The following SLC7A7 variants were observed in gnomAD, a reference collection of about 807,000 sequenced individuals.
SLC7A7 encodes solute carrier family 7 member 7.
Under a neutral mutation model 47.9 loss-of-function variants are expected in SLC7A7, and 39 were observed. The ratio of observed to expected loss-of-function variants is 0.81; its 90% confidence interval spans 0.63 to 1.06. The LOEUF (loss-of-function observed/expected upper bound fraction) is 1.06, where lower values mean the gene tolerates loss of function less well. SLC7A7 is among the 50% of genes least tolerant of loss of function. The pLI is 0.00. For synonymous variants in SLC7A7, 234 were observed against 242.8 expected (o/e 0.96, Z 0.34); for missense variants, 588 against 632.0 (o/e 0.93, Z 0.75).
intron 2 of SLC7A7, among the ~76,000 whole-genome samples, chr14:22,790,327 CAAAAAAAAAAA>C (rs538548693): frequency 1.2e-5 from 1 of 83,192 alleles, no homozygotes; most frequent in East Asian, 3.2e-4. Context: ...AAGACTGTCT[CAAAAAAAAAAA>C]AAAAAAAAAA....
chr14:22,779,075 C>T, intron 3 of SLC7A7, 138 bp from the exon 4 acceptor site: 2 of 1,007,934 alleles, frequency 2.0e-6, no homozygotes, highest in South Asian at 1.4e-5. Flanking sequence ...GCAAGAGTAC[C>T]AGTAAGGGAA....
intron 4 of SLC7A7, among the ~76,000 whole-genome samples, chr14:22,777,549 G>A (rs2038637620): frequency 6.7e-6 from 1 of 148,790 alleles, no homozygotes; most frequent in Non-Finnish European, 1.5e-5. Flanking sequence ...ATCTTTATAA[G>A]CATCCTTAAC....
chr14:22,801,921 C>T (rs1243141950), intron 2 of SLC7A7, among the ~76,000 whole-genome samples: 3 of 152,220 alleles, frequency 2.0e-5, no homozygotes, highest in South Asian at 2.1e-4. Context: ...GCAACCTCTT[C>T]GCAAATACTT....
intron 2 of SLC7A7, among the ~76,000 whole-genome samples, chr14:22,781,952 CAG>C (rs1318842910): frequency 1.3e-5 from 2 of 152,180 alleles, no homozygotes; most frequent in Admixed American, 6.5e-5. Context: ...AGTTCAGACT[CAG>C]AGTCTGAGCT....
intron 2 of SLC7A7, among the ~76,000 whole-genome samples, chr14:22,812,446 C>T (rs966584553): frequency 4.0e-5 from 6 of 151,552 alleles, no homozygotes; most frequent in Admixed American, 2.0e-4. Flanking sequence ...GGATTACAGG[C>T]ATAAGCCACC....
Position 22,779,733 on chromosome 14 carries a change from C to A in SLC7A7, c.625+193G>T, listed in dbSNP as rs919794335. Among the ~76,000 whole-genome samples the A allele has an allele frequency of 3.3e-5, 5 of 152,074 alleles. No homozygotes were observed. In the South Asian group the frequency reaches 8.3e-4, roughly 25 times the overall value. Reference sequence around the variant, plus strand: ...CCTCCCAAAGTGCTGGGATTACAAGCACGAGCCACTGCGCCCGGCCCAAGG... The same window carrying A: ...CCTCCCAAAGTGCTGGGATTACAAGAACGAGCCACTGCGCCCGGCCCAAGG... On this transcript the variant is annotated intron_variant, in intron 3 of 9. Transcript: ENST00000674313.
At chr14:22,778,089 T>C (rs1005791850) in intron 4 of SLC7A7, among the ~76,000 whole-genome samples, 1 of 151,932 alleles carries the variant, frequency 6.6e-6, no homozygotes. Context: ...ACAAAAAACA[T>C]TTTACCGAAA....
At chr14:22,776,901 G>A (rs1424454458) in intron 4 of SLC7A7, among the ~76,000 whole-genome samples, 2 of 152,040 alleles carry the variant, frequency 1.3e-5, no homozygotes, top group African/African-American at 4.8e-5. Context: ...CTCGAGAGGC[G>A]GAGGTTGTGG....
rs569113476 is a variant in SLC7A7, at chr14:22,786,915, A to G, written c.500-6864T>C. Among the ~76,000 whole-genome samples the G allele has an allele frequency of 9.9e-5, 15 of 152,258 alleles. No homozygotes were observed. In the South Asian group the frequency reaches 3.1e-3, roughly 32 times the overall value. On this transcript the variant is annotated intron_variant, in intron 2 of 9. Coordinates refer to ENST00000674313, the MANE Select transcript of SLC7A7 (RefSeq NM_003982.4). ...CGCACCACTGCACTGCAGCCTGGGCAACACAGTAAGATCCTTTCTCCAAAA... is the reference window on the plus strand; with the variant it reads ...CGCACCACTGCACTGCAGCCTGGGCGACACAGTAAGATCCTTTCTCCAAAA...
At chr14:22,786,895 C>T (rs1158534586) in intron 2 of SLC7A7, among the ~76,000 whole-genome samples, 2 of 151,968 alleles carry the variant, frequency 1.3e-5, no homozygotes, top group African/African-American at 4.8e-5. Context: ...GTGATCGCAC[C>T]ACTGCACTGC....
Position 22,774,359 on chromosome 14 carries a change from G to A in SLC7A7, c.1240C>T (p.Leu414Phe). ...RWKEPDRPRP[L>F]KLSVFFPIVF... ...GTAGGATGGAGTTGCCTTACCTTGA[G>A]GGGACGAGGTCGATCAGGCTCCTTC... The change falls in exon 8 of 10, where the codon CTC (leucine) becomes TTC (phenylalanine). Residue 414 changes from leucine (L) to phenylalanine (F), a missense_variant. Coordinates refer to ENST00000674313, the MANE Select transcript of SLC7A7 (RefSeq NM_003982.4). 1 of 1,614,120 alleles carries A rather than the reference G, an allele frequency of 6.2e-7. No homozygotes were observed. Among genetic ancestry groups the A allele is most frequent in the Non-Finnish European group, 8.5e-7 (1 of 1,180,020 alleles).
At chr14:22,799,448 C>CTTTTTTTTTTT (rs56375225) in intron 2 of SLC7A7, among the ~76,000 whole-genome samples, 7 of 76,172 alleles carry the variant, frequency 9.2e-5, no homozygotes, top group Non-Finnish European at 1.2e-4. Context: ...TTTTTTCTTT[C>CTTTTTTTTTTT]TTTTTTTTTT....
In SLC7A7 at chr14:22,784,345, T is replaced by C. The variant is rs141477771; in HGVS notation, c.500-4294A>G. On this transcript the variant is annotated intron_variant, in intron 2 of 9. Transcript: ENST00000674313. ...TGCAAAGAAGTCACTCGTGGCCGGG[T>C]GCAGTGGCTCACGCCTGTAATCCCA... 5.3e-3 allele frequency among the ~76,000 whole-genome samples: 803 copies of C among 151,956 alleles called. 4 individuals carry two copies. The highest frequency in any genetic ancestry group is 0.017 in the African/African-American group (716 of 41,494).
chr14:22,815,940 G>A (rs983122687), upstream of SLC7A7: 3 of 330,068 alleles, frequency 9.1e-6, no homozygotes, highest in African/African-American at 4.3e-5. Context: ...GTGACTGGGT[G>A]TTCTAAGAGA....
At chr14:22,773,866 G>C (rs2038531574) in intron 9 of SLC7A7, 67 bp downstream of exon 9, 1 of 1,600,546 alleles carries the variant, frequency 6.2e-7, no homozygotes, top group South Asian at 1.1e-5. Flanking sequence ...TTGGAGGCTG[G>C]ATTTACAGAA....
rs575591466 is a variant in SLC7A7 at position 22,815,104 on chromosome 14, G to A, written c.-43+216C>T. 55 of 348,722 alleles carry A rather than the reference G, an allele frequency of 1.6e-4. 1 individual carries two copies. Among genetic ancestry groups the A allele is most frequent in the South Asian group, 9.5e-4 (43 of 45,208 alleles). The allele number at this position is 348,722 out of a possible 1,614,324, so 21.6% of individuals were successfully genotyped here. ...GTTGCTGCTGGAGAGATATCACCCC[G>A]AGCCAAGGCAGGGAGACAGCTGCAG... is the stretch of plus-strand genomic sequence containing the variant. On this transcript the variant is annotated intron_variant, in intron 1 of 9. Transcript: ENST00000674313.
upstream of SLC7A7, among the ~76,000 whole-genome samples, chr14:22,818,666 A>T (rs1198665760): frequency 6.7e-6 from 1 of 149,062 alleles, no homozygotes; most frequent in Non-Finnish European, 1.5e-5. Context: ...GCAGTGGCAC[A>T]ATCTCTGCTC....
chr14:22,790,742 G>A (rs1012488159), intron 2 of SLC7A7, among the ~76,000 whole-genome samples: 2 of 152,134 alleles, frequency 1.3e-5, no homozygotes, highest in African/African-American at 4.8e-5. Context: ...GCTCATGCCT[G>A]TAATCCCAGC....
At chr14:22,773,863 C>G in intron 9 of SLC7A7, 70 bp downstream of exon 9, 1 of 1,598,042 alleles carries the variant, frequency 6.3e-7, no homozygotes, top group Non-Finnish European at 8.6e-7. Flanking sequence ...TCTTTGGAGG[C>G]TGGATTTACA....
Sources: allele counts gnomAD v4.1 joint callset (sites outside exome capture counted in the v4.1 genomes callset), GRCh38; gene constraint gnomAD v4.1.1; transcripts MANE v1.5; gene names NCBI Gene and HGNC (gene_info 2026-07-23, HGNC 2026-07-21).